Variants in ZNF563 observed in about 807,000 individuals in gnomAD.
ZNF563 encodes zinc finger protein 563.
ZNF563 carries 39 observed loss-of-function variants against 48.5 expected under a neutral mutation model. The ratio of observed to expected loss-of-function variants is 0.80; its 90% CI spans 0.62 to 1.05. ZNF563 has a LOEUF of 1.05. Among genes scored for constraint, ZNF563 ranks in the 50% least tolerant of loss-of-function variants. The pLI is 0.00. For synonymous variants in ZNF563, 168 were observed against 187.9 expected (o/e 0.89, Z 0.87); for missense variants, 538 against 597.0 (o/e 0.90, Z 1.03).
At chr19:12,321,387 GTAAGA>G in intron 2 of ZNF563, 55 bp from the exon 3 acceptor site, 1 of 1,186,560 alleles carries the variant, frequency 8.4e-7, no homozygotes, top group Non-Finnish European at 1.2e-6. Flanking sequence ...ATATAAAACA[GTAAGA>G]TTTTATGTAT....
At chr19:12,328,265 T>A (rs902980305) in intron 1 of ZNF563, among the ~76,000 whole-genome samples, 1 of 152,152 alleles carries the variant, frequency 6.6e-6, no homozygotes, top group Admixed American at 6.5e-5. Flanking sequence ...AGTGGAAGGA[T>A]TGCTTGAGGC....
chr19:12,328,119 C>T (rs1968837750), intron 1 of ZNF563, among the ~76,000 whole-genome samples: 1 of 152,166 alleles, frequency 6.6e-6, no homozygotes, highest in African/African-American at 2.4e-5. Context: ...ATATTCTTCT[C>T]AAGCCCACAT....
chr19:12,329,472 C>CAAAAAAAAAAAAAAAAAA (rs754295632), intron 1 of ZNF563, among the ~76,000 whole-genome samples: 1 of 75,924 alleles, frequency 1.3e-5, no homozygotes, highest in East Asian at 3.6e-4. Flanking sequence ...GACTCCATCT[C>CAAAAAAAAAAAAAAAAAA]AAAAAAAAAA....
chr19:12,342,655 C>A, the ZNF563 span, among the ~76,000 whole-genome samples: 2 of 151,374 alleles, frequency 1.3e-5, no homozygotes, highest in Non-Finnish European at 2.9e-5. Context: ...CACCTATAGC[C>A]CCAATTACTT....
At position 12,319,161 on chromosome 19, in the gene ZNF563, T is replaced by C; in HGVS notation, c.864A>G (p.Lys288=). 1.9e-6 allele frequency: 3 copies of C among 1,614,234 alleles called. No homozygotes were observed. The highest frequency in any genetic ancestry group is 2.5e-6 in the Non-Finnish European group (3 of 1,180,042). ...EKPYTCKQCG[K]AFSVSSSLRR... The stretch of plus-strand genomic sequence containing the variant: ...GAAGGGAACTGGAAACACTGAAGGC[T>C]TTCCCACACTGTTTACATGTATATG... Residue 288 remains lysine, a synonymous_variant, in exon 4 of 4, where the codon AAA becomes AAG. Coordinates refer to ENST00000293725, the MANE Select transcript of ZNF563 (RefSeq NM_145276.3).
At chr19:12,338,473 T>G (rs1218150247), upstream of ZNF563, among the ~76,000 whole-genome samples, 1 of 152,130 alleles carries the variant, frequency 6.6e-6, no homozygotes, top group African/African-American at 2.4e-5. Flanking sequence ...GGTCTTGGAC[T>G]CCTGAACTCA....
chr19:12,320,648 T>C lies in ZNF563; in HGVS notation c.191+624A>G, dbSNP rs1298723450. On this transcript the variant is annotated intron_variant, in intron 3 of 3. Transcript: ENST00000293725. ...CCAAGCAGCTGGGGTTACAGGTGCA[T>C]ACCCCCATGCCCAGCTAACTTTTGT... 2.0e-5 allele frequency among the ~76,000 whole-genome samples: 3 copies of C among 151,918 alleles called. No individual in the cohort carries two copies. The East Asian group carries it at 5.9e-4, about 30-fold the overall frequency.
At position 12,318,324 on chromosome 19, in the gene ZNF563, A is replaced by C; in HGVS notation, c.*270T>G. ...ACTTTTAAGTTACCAAAATGACTGA[A>C]GGCTTCCCTACATATTTTACACTCA... is the stretch of plus-strand genomic sequence containing the variant. On this transcript the variant is annotated 3_prime_UTR_variant, in exon 4 of 4. Transcript: ENST00000293725. 2 of 480,924 alleles carry C rather than the reference A, an allele frequency of 4.2e-6. No individual in the cohort carries two copies. Among genetic ancestry groups the C allele is most frequent in the Non-Finnish European group, 3.7e-6 (1 of 271,794 alleles). The allele number at this position is 480,924 out of a possible 1,614,324, so 29.8% of individuals were successfully genotyped here.
rs779516460 is a variant in ZNF563, at chr19:12,319,885, TA to T, written c.192-53del. 15 of 1,510,712 alleles carry T rather than the reference TA, an allele frequency of 9.9e-6. No homozygotes were observed. The African/African-American group carries it at 1.8e-4, about 18-fold the overall frequency. 93.6% of individuals were successfully genotyped at this position (1,510,712 alleles called of 1,614,324 possible). On this transcript the variant is annotated intron_variant, in intron 3 of 3. Transcript: ENST00000293725. Reference sequence around the variant, plus strand: ...AAATAGTTGTTTCTAAATGATTATTTATTTATGTGTATTAATAGGTATTGGA... The same window carrying T: ...AAATAGTTGTTTCTAAATGATTATTTTTTATGTGTATTAATAGGTATTGGA...
At chr19:12,343,345 C>A in the ZNF563 span, among the ~76,000 whole-genome samples, 1 of 152,100 alleles carries the variant, frequency 6.6e-6, no homozygotes, top group South Asian at 2.1e-4. Flanking sequence ...CCTATAGTCC[C>A]AGCTGCTCAG....
intron 1 of ZNF563, among the ~76,000 whole-genome samples, chr19:12,323,613 G>A (rs1968695248): frequency 6.6e-6 from 1 of 152,210 alleles, no homozygotes; most frequent in Non-Finnish European, 1.5e-5. Flanking sequence ...GGACTTCCCA[G>A]CCTCCAGAAC....
At chr19:12,343,201 A>G in the ZNF563 span, among the ~76,000 whole-genome samples, 23 of 143,822 alleles carry the variant, frequency 1.6e-4, no homozygotes, top group Non-Finnish European at 2.6e-4. Context: ...TCTCAAAAGG[A>G]AAAAAAAAAA....
chr19:12,325,279 A>C (rs1415226078), intron 1 of ZNF563, among the ~76,000 whole-genome samples: 1 of 152,132 alleles, frequency 6.6e-6, no homozygotes, highest in Non-Finnish European at 1.5e-5. Flanking sequence ...TAGGAGTTTG[A>C]GACCAGTCTG....
chr19:12,339,887 G>C, the ZNF563 span, among the ~76,000 whole-genome samples: 2 of 152,170 alleles, frequency 1.3e-5, no homozygotes, highest in Non-Finnish European at 2.9e-5. Flanking sequence ...TACTAAAGCT[G>C]TCAAAAGCCA....
the ZNF563 span, among the ~76,000 whole-genome samples, chr19:12,338,942 G>A: frequency 6.6e-6 from 1 of 152,170 alleles, no homozygotes; most frequent in Non-Finnish European, 1.5e-5. Context: ...ATGGTAAACT[G>A]TGGTTAATTG....
In ZNF563 at chr19:12,324,176, G is replaced by A. The variant is rs1314937239; in HGVS notation, c.4-1465C>T. Among the ~76,000 whole-genome samples the A allele has an allele frequency of 2.6e-5, 4 of 151,990 alleles. No homozygotes were observed. In the East Asian group the frequency reaches 7.7e-4, roughly 29 times the overall value. The stretch of plus-strand genomic sequence containing the variant: ...AGTTTGAGACCAGCCTGGGCAACAT[G>A]GCGAAACCCTGTCTCTGCAAAAAAA... On this transcript the variant is annotated intron_variant, in intron 1 of 3. Transcript: ENST00000293725.
chr19:12,317,978 G>T lies in ZNF563; in HGVS notation c.*616C>A. 1.2e-5 allele frequency: 2 copies of T among 168,602 alleles called. No individual in the cohort carries two copies. The highest frequency in any genetic ancestry group is 3.4e-4 in the South Asian group (2 of 5,914). 10.4% of individuals were successfully genotyped at this position (168,602 alleles called of 1,614,324 possible). On this transcript the variant is annotated 3_prime_UTR_variant, in exon 4 of 4. Transcript: ENST00000293725. The stretch of plus-strand genomic sequence containing the variant: ...TTTTCTACATTTCTTACATTCATAT[G>T]ACTTCTCTCCAGAGTGAATCCTTTC...
the ZNF563 span, among the ~76,000 whole-genome samples, chr19:12,342,779 TAAAAA>T: frequency 0.074 from 7,138 of 96,370 alleles, 570 homozygotes; most frequent in African/African-American, 0.24. Context: ...TCTCAAAAAT[TAAAAA>T]AAAAAAAAAA....
chr19:12,343,713 G>T, the ZNF563 span, among the ~76,000 whole-genome samples: 1 of 148,624 alleles, frequency 6.7e-6, no homozygotes. Flanking sequence ...TATGAATATT[G>T]AAGCATAAAT....
Sources: gnomAD v4.1 joint callset for allele counts (sites outside exome capture counted in the v4.1 genomes callset) on GRCh38, gnomAD v4.1.1 for gene constraint, MANE v1.5 for transcripts, NCBI Gene and HGNC (gene_info 2026-07-23, HGNC 2026-07-21) for gene names.